Variants in KLHL29 observed in about 807,000 individuals in gnomAD.
KLHL29 encodes the protein kelch like family member 29, also known as kelch-like protein 29.
In KLHL29, 21 loss-of-function variants were observed where a neutral mutation model predicts 80.4. The observed-to-expected ratio is 0.26, with a 90% confidence interval of 0.19 to 0.38. The LOEUF is 0.38. KLHL29 is among the 10% of genes least tolerant of loss of function. The pLI is 1.00. For synonymous variants in KLHL29, 511 were observed against 526.8 expected (o/e 0.97, Z 0.41); for missense variants, 867 against 1,223.9 (o/e 0.71, Z 4.35).
At chr2:23,434,814 G>A (rs1441563088) in intron 1 of KLHL29, among the ~76,000 whole-genome samples, 1 of 152,184 alleles carries the variant, frequency 6.6e-6, no homozygotes, top group Non-Finnish European at 1.5e-5. Context: ...TGGGCAGTCA[G>A]TCCAGCTGTG....
At chr2:23,667,361 T>C (rs1670581403) in intron 5 of KLHL29, 6 of 152,090 alleles carry the variant, frequency 3.9e-5, no homozygotes, top group Admixed American at 3.9e-4. Flanking sequence ...AAAAACATAC[T>C]CTTGAATCAG....
chr2:23,699,200 C>G (rs573764105), intron 11 of KLHL29, among the ~76,000 whole-genome samples: 1 of 152,218 alleles, frequency 6.6e-6, no homozygotes, highest in Non-Finnish European at 1.5e-5. Flanking sequence ...GCTTCCTGGG[C>G]TCTGGGCTGT....
chr2:23,388,583 T>C (rs1666240364), intron 1 of KLHL29, among the ~76,000 whole-genome samples: 1 of 152,206 alleles, frequency 6.6e-6, no homozygotes, highest in Non-Finnish European at 1.5e-5. Flanking sequence ...ATCCATTCAT[T>C]TTTATTTAGT....
rs533935873 is a variant in KLHL29, at chr2:23,563,650, C to T, written c.285+1169C>T. On this transcript the variant is annotated intron_variant, in intron 3 of 13. Coordinates refer to ENST00000486442, the MANE Select transcript of KLHL29 (RefSeq NM_052920.2). ...GGAAAGCCGCGCTCCAGGTGTGCTGCGCCTTTGTCTCCTGGTTTTCAAAAC... is the reference window on the plus strand; with the variant it reads ...GGAAAGCCGCGCTCCAGGTGTGCTGTGCCTTTGTCTCCTGGTTTTCAAAAC... Among the ~76,000 whole-genome samples, 75 of 152,298 alleles carry T rather than the reference C, an allele frequency of 4.9e-4. 1 individual carries two copies. The highest frequency in any genetic ancestry group is 1.8e-3 in the African/African-American group (73 of 41,560).
chr2:23,415,045 C>T (rs1666951475), intron 1 of KLHL29, among the ~76,000 whole-genome samples: 1 of 152,236 alleles, frequency 6.6e-6, no homozygotes, highest in South Asian at 2.1e-4. Flanking sequence ...CCACAAGGCC[C>T]CACAGCTGCC....
In KLHL29 at chr2:23,562,380, C is replaced by G. The variant is rs1008330384; in HGVS notation, c.184C>G (p.Arg62Gly). The change falls in exon 3 of 14, where the codon CGG (arginine) becomes GGG (glycine). Residue 62 changes from arginine to glycine, a missense_variant. By Grantham distance (125) the Arg-to-Gly change is moderately radical. Coordinates refer to ENST00000486442, the MANE Select transcript of KLHL29 (RefSeq NM_052920.2). This position sits in a 1 kb window ranked among gnomAD's most constrained non-coding sequence, Gnocchi z 4.5. ...GLLPLPVVPS[R>G]LPTPATAPAP... ...CCTGCCGCTGCCCGTGGTGCCCTCCCGGCTGCCCACCCCGGCTACAGCTCC... is the reference window on the plus strand; with the variant it reads ...CCTGCCGCTGCCCGTGGTGCCCTCCGGGCTGCCCACCCCGGCTACAGCTCC... The G allele has an allele frequency of 6.5e-7, 1 of 1,539,990 alleles. No individual in the cohort carries two copies. Among genetic ancestry groups the G allele is most frequent in the Non-Finnish European group, 8.7e-7 (1 of 1,145,758 alleles).
chr2:23,598,698 A>T (rs1668490036), intron 3 of KLHL29, among the ~76,000 whole-genome samples: 1 of 152,200 alleles, frequency 6.6e-6, no homozygotes, highest in Non-Finnish European at 1.5e-5. Flanking sequence ...GGCCCAGGGG[A>T]GGGCTTTAGC....
intron 3 of KLHL29, among the ~76,000 whole-genome samples, chr2:23,621,513 G>A (rs931343193): frequency 2.0e-5 from 3 of 150,322 alleles, no homozygotes; most frequent in Non-Finnish European, 4.4e-5. Context: ...AGACAAGGAG[G>A]AAGAGGAAGA....
At position 23,562,002 on chromosome 2, in the gene KLHL29, G is replaced by T. The variant is rs1208626102; in HGVS notation, c.-45-150G>T. ...TGTCTGTGAAGTGGGGCTAATTAATGATCCATGCTTTGTGGGCTAGCGTGA... is the reference window on the plus strand; with the variant it reads ...TGTCTGTGAAGTGGGGCTAATTAATTATCCATGCTTTGTGGGCTAGCGTGA... On this transcript the variant is annotated intron_variant, in intron 2 of 13. Transcript: ENST00000486442. This position sits in a 1 kb window ranked among gnomAD's most constrained non-coding sequence, Gnocchi z 4.5. The T allele has an allele frequency of 7.9e-6, 5 of 634,280 alleles. No individual in the cohort carries two copies. Among genetic ancestry groups the T allele is most frequent in the Non-Finnish European group, 1.4e-5 (5 of 369,370 alleles). 39.3% of individuals were successfully genotyped at this position (634,280 alleles called of 1,614,324 possible).
chr2:23,583,324 G>A (rs1360848835), intron 3 of KLHL29, among the ~76,000 whole-genome samples: 1 of 152,196 alleles, frequency 6.6e-6, no homozygotes, highest in Non-Finnish European at 1.5e-5. Context: ...CTGGATTTTT[G>A]CAAAACATGC....
intron 5 of KLHL29, among the ~76,000 whole-genome samples, chr2:23,683,289 G>A (rs1671143386): frequency 6.6e-6 from 1 of 152,214 alleles, no homozygotes; most frequent in African/African-American, 2.4e-5. Context: ...AAGGGAAATC[G>A]CCTGGCCTGA....
chr2:23,543,909 G>A (rs988760376), intron 2 of KLHL29, among the ~76,000 whole-genome samples: 15 of 152,178 alleles, frequency 9.9e-5, no homozygotes, highest in African/African-American at 3.6e-4. Context: ...CCCCGGGCTG[G>A]TGATGTCATC....
At position 23,681,453 on chromosome 2, in the gene KLHL29, C is replaced by T. The variant is rs1039153805; in HGVS notation, c.941-2946C>T. Among the ~76,000 whole-genome samples the T allele has an allele frequency of 6.6e-6, 1 of 152,126 alleles. No homozygotes were observed. The highest frequency in any genetic ancestry group is 2.4e-5 in the African/African-American group (1 of 41,416). On this transcript the variant is annotated intron_variant, in intron 5 of 13. Transcript: ENST00000486442. This position sits in a 1 kb window ranked among gnomAD's most constrained non-coding sequence, Gnocchi z 4.2. Reference sequence around the variant, plus strand: ...GCTTTAGATAGAATCATTGCCGGGACCTCGATTTGAAAGGAAGGTCTTCAG... The same window carrying T: ...GCTTTAGATAGAATCATTGCCGGGATCTCGATTTGAAAGGAAGGTCTTCAG...
intron 1 of KLHL29, among the ~76,000 whole-genome samples, chr2:23,441,660 T>A (rs1473479191): frequency 6.6e-6 from 1 of 152,156 alleles, no homozygotes; most frequent in Non-Finnish European, 1.5e-5. Flanking sequence ...AAGATGCACT[T>A]CCAAGATGGC....
chr2:23,456,488 G>C (rs566338149), intron 1 of KLHL29, among the ~76,000 whole-genome samples: 1 of 152,204 alleles, frequency 6.6e-6, no homozygotes, highest in Non-Finnish European at 1.5e-5. Flanking sequence ...TCTCTTTTCC[G>C]TGGATCTTCA....
intron 3 of KLHL29, among the ~76,000 whole-genome samples, chr2:23,612,400 C>G (rs929378821): frequency 6.6e-6 from 1 of 152,124 alleles, no homozygotes; most frequent in East Asian, 1.9e-4. Context: ...GAAGAAAGAA[C>G]AAAAATAAGA....
chr2:23,589,096 T>A (rs1185827924), intron 3 of KLHL29, among the ~76,000 whole-genome samples: 2 of 152,204 alleles, frequency 1.3e-5, no homozygotes, highest in South Asian at 4.1e-4. Context: ...TGGGGTTTGA[T>A]ATGTTGAAGT....
At chr2:23,674,975 T>G (rs2149179318) in intron 5 of KLHL29, among the ~76,000 whole-genome samples, 1 of 152,222 alleles carries the variant, frequency 6.6e-6, no homozygotes, top group Non-Finnish European at 1.5e-5. Flanking sequence ...AGGTCCTGCC[T>G]TGACTCCCCT....
intron 2 of KLHL29, chr2:23,524,236 C>T (rs1450646191): frequency 3.3e-6 from 1 of 305,848 alleles, no homozygotes; most frequent in African/African-American, 2.2e-5. Flanking sequence ...GCTCCTCATC[C>T]ACATCTCTTT....
Sources: allele counts gnomAD v4.1 joint callset (sites outside exome capture counted in the v4.1 genomes callset), GRCh38; gene constraint gnomAD v4.1.1; non-coding constraint Gnocchi (gnomAD v3.1); transcripts MANE v1.5; gene names NCBI Gene and HGNC (gene_info 2026-07-23, HGNC 2026-07-21).